The following UTP4 variants were observed in gnomAD, a reference collection of about 807,000 sequenced individuals.
The protein encoded by UTP4 is UTP4 small subunit processome component, also known as U3 small nucleolar RNA-associated protein 4 homolog.
UTP4 carries 45 observed loss-of-function variants against 82.4 expected under a neutral mutation model. The observed-to-expected ratio is 0.55, with a 90% CI of 0.43 to 0.70. UTP4 has a LOEUF of 0.70. UTP4 is among the 30% of genes least tolerant of loss of function. The pLI, the probability that UTP4 is intolerant of heterozygous loss-of-function variation, is 0.00. For missense variants in UTP4, 819 were observed against 858.3 expected (o/e 0.95, Z 0.57); for synonymous variants, 348 against 300.3 (o/e 1.16, Z -1.64).
intron 2 of UTP4, among the ~76,000 whole-genome samples, chr16:69,135,943 C>T (rs1018855060): frequency 3.3e-5 from 5 of 152,158 alleles, no homozygotes; most frequent in African/African-American, 9.7e-5. Context: ...GCAGGGGAAT[C>T]GCTTGAACCC....
intron 6 of UTP4, among the ~76,000 whole-genome samples, chr16:69,143,808 C>G (rs1419975671): frequency 1.3e-5 from 2 of 152,198 alleles, no homozygotes; most frequent in Admixed American, 1.3e-4. Flanking sequence ...GGGGATCCTC[C>G]CATCTCAGCC....
In UTP4 at chr16:69,165,463, C is replaced by T. The variant is rs1963677880; in HGVS notation, c.1770C>T (p.Pro590=). The T allele has an allele frequency of 6.2e-7, 1 of 1,613,968 alleles. No individual in the cohort carries two copies. Among genetic ancestry groups the T allele is most frequent in the African/African-American group, 1.3e-5 (1 of 74,900 alleles). Residue 590 remains proline (P), a synonymous_variant, in exon 15 of 17, where the codon CCC becomes CCT. Coordinates refer to ENST00000314423, the MANE Select transcript of UTP4 (RefSeq NM_032830.3). ...CTATCACACACATCAGTTTTCATCC[C>T]AAGAGACCGATGCACATCCTTCTCC... is the stretch of plus-strand genomic sequence containing the variant. ...DTPITHISFH[P]KRPMHILLHD... is the part of the protein sequence containing the mutation.
intron 13 of UTP4, among the ~76,000 whole-genome samples, chr16:69,162,402 C>T (rs1389081631): frequency 6.6e-6 from 1 of 151,700 alleles, no homozygotes; most frequent in Admixed American, 6.6e-5. Context: ...ATAGTGAGAC[C>T]CCGTTTCTAC....
At chr16:69,152,504 T>C (rs983203749) in intron 8 of UTP4, among the ~76,000 whole-genome samples, 1 of 148,982 alleles carries the variant, frequency 6.7e-6, no homozygotes, top group African/African-American at 2.5e-5. Context: ...AGCTTTGCTC[T>C]TGTTGCCCAG....
chr16:69,167,547 C>G, intron 16 of UTP4: 1 of 247,902 alleles, frequency 4.0e-6, no homozygotes. Flanking sequence ...CCTGTAATCC[C>G]AGCACTTTGG....
At position 69,168,867 on chromosome 16, in the gene UTP4, T is replaced by C. The variant is rs1022058872; in HGVS notation, c.1991T>C (p.Val664Ala). 1.9e-6 allele frequency: 3 copies of C among 1,613,976 alleles called. No individual in the cohort carries two copies. The African/African-American group carries it at 4.0e-5, about 22-fold the overall frequency. ...TTGGATGAAAGAACACTCGTGGCAG[T>C]AGAACGGCCTCTGGATGACATCATT... Reference protein sequence around the residue: ...DLLDERTLVAVERPLDDIIAQ... With the variant: ...DLLDERTLVAAERPLDDIIAQ... The change falls in exon 17 of 17, where the codon GTA (valine) becomes GCA (alanine). Residue 664 changes from valine (V) to alanine (A), a missense_variant. Val to Ala is a moderately conservative substitution (Grantham distance 64, BLOSUM62 0). Transcript: ENST00000314423.
At chr16:69,152,609 A>C (rs1963303899) in intron 8 of UTP4, among the ~76,000 whole-genome samples, 1 of 150,782 alleles carries the variant, frequency 6.6e-6, no homozygotes, top group South Asian at 2.1e-4. Flanking sequence ...AGCTGGGATT[A>C]CAGGCACCCG....
intron 14 of UTP4, among the ~76,000 whole-genome samples, chr16:69,163,884 G>GTTTTTT (rs1216606701): frequency 8.7e-5 from 11 of 126,250 alleles, no homozygotes; most frequent in Non-Finnish European, 1.3e-4. Flanking sequence ...TGGTCAGTTT[G>GTTTTTT]TTTTTTTTTT....
At chr16:69,161,151 C>T (rs2152283272) in intron 13 of UTP4, among the ~76,000 whole-genome samples, 1 of 152,234 alleles carries the variant, frequency 6.6e-6, no homozygotes. Context: ...CATGGCTTGC[C>T]TTGTAATCTC....
At chr16:69,140,544 TGTCTCTACTAAA>T (rs1962931619) in intron 5 of UTP4, among the ~76,000 whole-genome samples, 1 of 152,074 alleles carries the variant, frequency 6.6e-6, no homozygotes, top group African/African-American at 2.4e-5. Context: ...GGAGAAACCC[TGTCTCTACTAAA>T]AATACAAAAT....
chr16:69,150,515 C>T, intron 6 of UTP4, 22 bp from the exon 7 acceptor site: 2 of 1,613,962 alleles, frequency 1.2e-6, no homozygotes, highest in Non-Finnish European at 1.7e-6. Context: ...ACGTGTACCT[C>T]CCTCATGATT....
At chr16:69,155,847 C>A (rs781772146) in intron 10 of UTP4, 24 bp from the exon 11 acceptor site, 2 of 1,614,068 alleles carry the variant, frequency 1.2e-6, no homozygotes, top group Admixed American at 1.7e-5. Flanking sequence ...ATTGCACATT[C>A]ATCTTGATTC....
chr16:69,138,539 A>C (rs1962872871), intron 4 of UTP4, among the ~76,000 whole-genome samples: 1 of 152,222 alleles, frequency 6.6e-6, no homozygotes, highest in African/African-American at 2.4e-5. Flanking sequence ...TGCCCTGGCC[A>C]AGGAACTGTG....
chr16:69,143,535 A>G (rs1394499210), intron 6 of UTP4, 146 bp downstream of exon 6: 7 of 753,242 alleles, frequency 9.3e-6, no homozygotes, highest in Non-Finnish European at 1.6e-5. Context: ...GCATCTGAAA[A>G]CCCACATTGT....
intron 1 of UTP4, 148 bp from the exon 2 acceptor site, chr16:69,133,310 G>T: frequency 1.3e-6 from 1 of 758,140 alleles, no homozygotes. Context: ...TTCTTGTGGG[G>T]GGCATTGTTA....
At chr16:69,138,652 C>CA (rs1962875255) in intron 4 of UTP4, among the ~76,000 whole-genome samples, 1 of 152,190 alleles carries the variant, frequency 6.6e-6, no homozygotes. Context: ...CCCTTTAGAA[C>CA]AGGGGTTGGC....
chr16:69,150,835 T>C lies in UTP4; in HGVS notation c.933T>C (p.Phe311=), dbSNP rs758406726. ...CAGGCACTGACACCCACTTAGTCTT[T>C]CGTCCTCTCATGGAGAAGGTGGAAG... ...ISGGTDTHLV[F]RPLMEKVEVK... is the part of the protein sequence containing the mutation. Residue 311 remains phenylalanine (F), a synonymous_variant, in exon 8 of 17, where the codon TTT becomes TTC. Transcript: ENST00000314423. 1.6e-5 allele frequency: 26 copies of C among 1,614,062 alleles called. No homozygotes were observed. In the East Asian group the frequency reaches 5.1e-4, roughly 32 times the overall value.
At position 69,150,750 on chromosome 16, in the gene UTP4, A is replaced by C. The variant is rs564881105; in HGVS notation, c.910+42A>C. ...GTGAGGCTGCTGCTTTACCCTGCCC[A>C]GTTCTGGCTGTTCTCGTGAGGATGA... On this transcript the variant is annotated intron_variant, in intron 7 of 16. Transcript: ENST00000314423. 11 of 1,613,854 alleles carry C rather than the reference A, an allele frequency of 6.8e-6. No individual in the cohort carries two copies. In the South Asian group the frequency reaches 9.9e-5, roughly 14 times the overall value.
intron 14 of UTP4, among the ~76,000 whole-genome samples, chr16:69,165,041 A>G (rs1963667377): frequency 6.6e-6 from 1 of 152,060 alleles, no homozygotes. Context: ...TAAAAATACA[A>G]AAAATTAGCC....
Sources: allele counts gnomAD v4.1 joint callset (sites outside exome capture counted in the v4.1 genomes callset), GRCh38; gene constraint gnomAD v4.1.1; transcripts MANE v1.5; gene names NCBI Gene and HGNC (gene_info 2026-07-23, HGNC 2026-07-21).